Variants in TAFA4 observed in about 807,000 individuals in gnomAD.
The protein encoded by TAFA4 is chemokine-like protein TAFA-4.
TAFA4 carries 20 observed loss-of-function variants against 21.1 expected under a neutral mutation model. That is an observed-to-expected ratio of 0.95 (90% CI 0.67 to 1.38). TAFA4 has a LOEUF of 1.38. Among genes scored for constraint, TAFA4 ranks in the 40% most tolerant of loss-of-function variants. TAFA4 has a pLI of 0.00. For synonymous variants in TAFA4, 71 were observed against 67.4 expected, an observed-to-expected ratio of 1.05 and a Z score of -0.26; for missense variants, 211 against 180.9, an observed-to-expected ratio of 1.17 and a Z score of -0.95.
At chr3:68,902,790 C>G (rs759822164) in intron 1 of TAFA4, among the ~76,000 whole-genome samples, 14 of 152,272 alleles carry the variant, frequency 9.2e-5, no homozygotes, top group Non-Finnish European at 1.9e-4. Flanking sequence ...AGAACCTTAT[C>G]AGACATGAAA....
At chr3:68,888,811 T>C (rs1173656127) in intron 1 of TAFA4, among the ~76,000 whole-genome samples, 2 of 151,664 alleles carry the variant, frequency 1.3e-5, no homozygotes, top group Non-Finnish European at 2.9e-5. Context: ...CTCGAGATAA[T>C]GACATTAATC....
At chr3:68,833,401 G>A (rs879633525) in intron 3 of TAFA4, among the ~76,000 whole-genome samples, 7 of 152,112 alleles carry the variant, frequency 4.6e-5, no homozygotes, top group South Asian at 2.1e-4. Context: ...TTCAGTGTAC[G>A]TACAGCCAGA....
chr3:68,802,498 C>T (rs188972976), intron 3 of TAFA4, among the ~76,000 whole-genome samples: 90 of 150,582 alleles, frequency 6.0e-4, no homozygotes, highest in Non-Finnish European at 5.5e-4. Context: ...TTTAGAACAC[C>T]AAAATTTAGT....
intron 3 of TAFA4, among the ~76,000 whole-genome samples, chr3:68,803,797 CTTTTT>C (rs386396961): frequency 3.7e-5 from 3 of 81,594 alleles, no homozygotes; most frequent in African/African-American, 5.0e-5. Flanking sequence ...ATCTCTGATT[CTTTTT>C]TTTTTTTTTT....
intron 3 of TAFA4, among the ~76,000 whole-genome samples, chr3:68,849,905 T>C (rs1396922525): frequency 1.3e-5 from 2 of 152,072 alleles, no homozygotes; most frequent in Admixed American, 6.5e-5. Context: ...CTTCGAAGGA[T>C]TTTTTTTCTT....
At chr3:68,909,224 T>C (rs998145295) in intron 1 of TAFA4, among the ~76,000 whole-genome samples, 1 of 152,170 alleles carries the variant, frequency 6.6e-6, no homozygotes, top group African/African-American at 2.4e-5. Flanking sequence ...CAGAATTTAG[T>C]ATCTGAAGTT....
intron 1 of TAFA4, among the ~76,000 whole-genome samples, chr3:68,927,171 A>G (rs1293230152): frequency 6.6e-6 from 1 of 151,898 alleles, no homozygotes; most frequent in Non-Finnish European, 1.5e-5. Flanking sequence ...CTTGCTGAAA[A>G]CCTTTGTTAA....
intron 2 of TAFA4, 72 bp downstream of exon 2, chr3:68,885,102 GA>G (rs2089657398): frequency 6.9e-7 from 1 of 1,442,692 alleles, no homozygotes; most frequent in Admixed American, 1.8e-5. Flanking sequence ...TCAACTCCAG[GA>G]TACTCACTTT....
chr3:68,912,910 G>T (rs2089973318), intron 1 of TAFA4, among the ~76,000 whole-genome samples: 1 of 152,142 alleles, frequency 6.6e-6, no homozygotes, highest in Non-Finnish European at 1.5e-5. Context: ...AAGGCTCAAG[G>T]TATTTACCCA....
chr3:68,783,435 C>G (rs1315307127), intron 3 of TAFA4, among the ~76,000 whole-genome samples: 1 of 152,142 alleles, frequency 6.6e-6, no homozygotes, highest in East Asian at 1.9e-4. Context: ...GGCCTCAGCA[C>G]TGTGACCAAA....
intron 4 of TAFA4, among the ~76,000 whole-genome samples, chr3:68,748,743 CAAAAAAAAAA>C (rs780362480): frequency 1.7e-5 from 1 of 60,028 alleles, no homozygotes; most frequent in African/African-American, 5.6e-5. Context: ...GACTCCGTCT[CAAAAAAAAAA>C]AAAAAAAGTG....
At chr3:68,927,249 T>C (rs1284538187) in intron 1 of TAFA4, among the ~76,000 whole-genome samples, 2 of 152,250 alleles carry the variant, frequency 1.3e-5, no homozygotes, top group East Asian at 3.8e-4. Context: ...AACTACAGTG[T>C]ACTGCAGACT....
chr3:68,844,461 A>AT (rs1175798864), intron 3 of TAFA4, among the ~76,000 whole-genome samples: 1 of 151,818 alleles, frequency 6.6e-6, no homozygotes, highest in Non-Finnish European at 1.5e-5. Context: ...ATCTTTAAAA[A>AT]AAAAACAGCT....
rs576837335 is a variant in TAFA4 at position 68,837,206 on chromosome 3, A to G, written c.130+43524T>C. On this transcript the variant is annotated intron_variant, in intron 3 of 5. Coordinates refer to ENST00000295569, the MANE Select transcript of TAFA4 (RefSeq NM_182522.5). Reference sequence around the variant, plus strand: ...ATAAAATTTACCAACTCTGGCTCTAATCTCTTGCTATGCTAAATGATGTCC... The same window carrying G: ...ATAAAATTTACCAACTCTGGCTCTAGTCTCTTGCTATGCTAAATGATGTCC... 9.8e-5 allele frequency among the ~76,000 whole-genome samples: 15 copies of G among 152,360 alleles called. No individual in the cohort carries two copies. The East Asian group carries it at 2.9e-3, about 29-fold the overall frequency.
At chr3:68,802,103 A>AT (rs1559525672) in intron 3 of TAFA4, among the ~76,000 whole-genome samples, 1 of 152,308 alleles carries the variant, frequency 6.6e-6, no homozygotes, top group East Asian at 1.9e-4. Flanking sequence ...GTTACATTAA[A>AT]TTTTTACTCT....
intron 1 of TAFA4, among the ~76,000 whole-genome samples, chr3:68,896,538 T>C (rs1248565934): frequency 1.3e-5 from 2 of 152,220 alleles, no homozygotes; most frequent in African/African-American, 2.4e-5. Context: ...CAATATGCCA[T>C]TGGTTTTTTA....
intron 3 of TAFA4, among the ~76,000 whole-genome samples, chr3:68,770,694 C>T (rs1027585184): frequency 3.9e-5 from 6 of 152,096 alleles, no homozygotes; most frequent in Admixed American, 2.6e-4. Context: ...CTCTCAAGAC[C>T]CACCTCACCT....
At chr3:68,779,171 A>T (rs1703104475) in intron 3 of TAFA4, among the ~76,000 whole-genome samples, 1 of 152,202 alleles carries the variant, frequency 6.6e-6, no homozygotes, top group South Asian at 2.1e-4. Context: ...GAGATGATTT[A>T]GTGTATCTAC....
chr3:68,829,725 C>T (rs1704334803), intron 3 of TAFA4, among the ~76,000 whole-genome samples: 1 of 152,202 alleles, frequency 6.6e-6, no homozygotes, highest in African/African-American at 2.4e-5. Flanking sequence ...GGAGGATTCC[C>T]TCTTTTTCTA....
Sources: gnomAD v4.1 joint callset for allele counts (sites outside exome capture counted in the v4.1 genomes callset) on GRCh38, gnomAD v4.1.1 for gene constraint, MANE v1.5 for transcripts, NCBI Gene and HGNC (gene_info 2026-07-23, HGNC 2026-07-21) for gene names.